GABRB1: variants seen among roughly 807,000 people sequenced by gnomAD.
GABRB1 encodes gamma-aminobutyric acid receptor subunit beta-1.
Under a neutral mutation model 51.6 loss-of-function variants are expected in GABRB1, and 17 were observed. The ratio of observed to expected loss-of-function variants is 0.33; its 90% confidence interval spans 0.23 to 0.49. The LOEUF (loss-of-function observed/expected upper bound fraction) is 0.49. Among genes scored for constraint, GABRB1 ranks in the 20% least tolerant of loss-of-function variants. GABRB1 has a pLI of 0.99. For missense variants in GABRB1, 410 were observed against 600.6 expected (o/e 0.68, Z 3.32); for synonymous variants, 247 against 218.9 (o/e 1.13, Z -1.14).
At chr4:47,215,802 A>G (rs1420397060) in intron 4 of GABRB1, among the ~76,000 whole-genome samples, 5 of 152,118 alleles carry the variant, frequency 3.3e-5, no homozygotes, top group African/African-American at 1.2e-4. Context: ...CAATGTATAG[A>G]TGCTCAAACA....
intron 4 of GABRB1, among the ~76,000 whole-genome samples, chr4:47,283,955 G>A (rs1168508032): frequency 6.6e-6 from 1 of 151,924 alleles, no homozygotes; most frequent in African/African-American, 2.4e-5. Context: ...CCCGGGGGCC[G>A]GACGCGGTGG....
chr4:47,007,021 T>A (rs1232235552), intron 1 of GABRB1, among the ~76,000 whole-genome samples: 1 of 152,010 alleles, frequency 6.6e-6, no homozygotes, highest in Admixed American at 6.6e-5. Flanking sequence ...GTACTTGTTG[T>A]CCCACCTACT....
At chr4:47,252,437 A>G (rs1281866176) in intron 4 of GABRB1, among the ~76,000 whole-genome samples, 2 of 149,122 alleles carry the variant, frequency 1.3e-5, no homozygotes, top group African/African-American at 4.9e-5. Flanking sequence ...GGATTGCTGG[A>G]TTGTTCTTGC....
intron 4 of GABRB1, among the ~76,000 whole-genome samples, chr4:47,211,392 T>C (rs1442706926): frequency 6.6e-6 from 1 of 152,220 alleles, no homozygotes; most frequent in East Asian, 1.9e-4. Flanking sequence ...TCTTGTGTAT[T>C]AGGTATTATT....
At position 47,213,964 on chromosome 4, in the gene GABRB1, T is replaced by A. The variant is rs188215763; in HGVS notation, c.461+52495T>A. Among the ~76,000 whole-genome samples the A allele has an allele frequency of 1.2e-3, 189 of 152,266 alleles. 4 individuals carry two copies. Among genetic ancestry groups the A allele is most frequent in the African/African-American group, 3.9e-3 (164 of 41,542 alleles). On this transcript the variant is annotated intron_variant, in intron 4 of 8. Coordinates refer to ENST00000295454, the MANE Select transcript of GABRB1 (RefSeq NM_000812.4). The stretch of plus-strand genomic sequence containing the variant: ...TCATTAAGTAAGACTCTTAATTTTC[T>A]CTGCTTTTTTCCTTCTCTCTGTTCA...
chr4:47,247,699 G>A (rs550341018), intron 4 of GABRB1, among the ~76,000 whole-genome samples: 2 of 152,118 alleles, frequency 1.3e-5, no homozygotes, highest in South Asian at 2.1e-4. Context: ...TCCTTCAGCA[G>A]TGTTTTGTAG....
intron 3 of GABRB1, among the ~76,000 whole-genome samples, chr4:47,050,420 T>C (rs1726293694): frequency 6.8e-6 from 1 of 146,718 alleles, no homozygotes; most frequent in Non-Finnish European, 1.5e-5. Flanking sequence ...AACAAATATA[T>C]GTATATACGT....
At chr4:47,075,070 G>C (rs1485814394) in intron 3 of GABRB1, among the ~76,000 whole-genome samples, 2 of 152,150 alleles carry the variant, frequency 1.3e-5, no homozygotes, top group Non-Finnish European at 2.9e-5. Context: ...GGCTGTATAA[G>C]TCATTTCTGT....
At position 47,117,444 on chromosome 4, in the gene GABRB1, C is replaced by A. The variant is rs147612197; in HGVS notation, c.241-43805C>A. On this transcript the variant is annotated intron_variant, in intron 3 of 8. Transcript: ENST00000295454. ...ACTGGGTGAACCATTTGTTTAGATT[C>A]AGTTCAGCTACATCTTCCTCTGTGA... Among the ~76,000 whole-genome samples, 16 of 152,258 alleles carry A rather than the reference C, an allele frequency of 1.1e-4. No homozygotes were observed. The East Asian group carries it at 3.1e-3, about 29-fold the overall frequency.
At chr4:47,249,193 T>C (rs191697723) in intron 4 of GABRB1, among the ~76,000 whole-genome samples, 1 of 152,210 alleles carries the variant, frequency 6.6e-6, no homozygotes, top group East Asian at 1.9e-4. Context: ...ATTCTAGAGG[T>C]TTGATAGATT....
chr4:47,304,190 C>G (rs1578079899), intron 4 of GABRB1, among the ~76,000 whole-genome samples: 1 of 152,046 alleles, frequency 6.6e-6, no homozygotes, highest in East Asian at 1.9e-4. Flanking sequence ...TATGGTAGTT[C>G]TATTTTTAAT....
intron 5 of GABRB1, among the ~76,000 whole-genome samples, chr4:47,325,610 C>G (rs1021045026): frequency 6.6e-6 from 1 of 152,130 alleles, no homozygotes; most frequent in African/African-American, 2.4e-5. Flanking sequence ...GCACAATAGA[C>G]TTTGTTTCTG....
At chr4:47,394,861 T>C (rs1158313442) in intron 5 of GABRB1, among the ~76,000 whole-genome samples, 1 of 152,194 alleles carries the variant, frequency 6.6e-6, no homozygotes. Flanking sequence ...ATTTTTGTGT[T>C]ACTTGATAGA....
chr4:47,227,889 C>T (rs1721004235), intron 4 of GABRB1, among the ~76,000 whole-genome samples: 1 of 152,186 alleles, frequency 6.6e-6, no homozygotes, highest in Admixed American at 6.6e-5. Flanking sequence ...TGTTCACATG[C>T]ATCCCTGGAA....
chr4:47,096,938 T>C (rs1489992562), intron 3 of GABRB1, among the ~76,000 whole-genome samples: 2 of 152,200 alleles, frequency 1.3e-5, no homozygotes, highest in African/African-American at 4.8e-5. Context: ...CACACACAAC[T>C]GTAAGGTAGC....
intron 5 of GABRB1, among the ~76,000 whole-genome samples, chr4:47,400,699 A>AT (rs1321747981): frequency 2.0e-5 from 3 of 151,740 alleles, no homozygotes; most frequent in African/African-American, 7.3e-5. Flanking sequence ...CTAATATGTG[A>AT]TTTTTTTATC....
chr4:47,266,467 A>G (rs975693643), intron 4 of GABRB1, among the ~76,000 whole-genome samples: 3 of 152,230 alleles, frequency 2.0e-5, no homozygotes, highest in Admixed American at 6.5e-5. Context: ...GAGAAATGGC[A>G]TCGGTATTTT....
intron 3 of GABRB1, among the ~76,000 whole-genome samples, chr4:47,134,117 T>C (rs1716539953): frequency 6.6e-6 from 1 of 152,200 alleles, no homozygotes; most frequent in East Asian, 1.9e-4. Flanking sequence ...TTATAAGTTT[T>C]AAAAAGTCTT....
chr4:47,019,451 C>A (rs1211177273), intron 1 of GABRB1, among the ~76,000 whole-genome samples: 1 of 151,360 alleles, frequency 6.6e-6, no homozygotes, highest in Non-Finnish European at 1.5e-5. Context: ...CTAGGACTGC[C>A]ATAACAAAAT....
Sources: allele counts gnomAD v4.1 joint callset (sites outside exome capture counted in the v4.1 genomes callset), GRCh38; gene constraint gnomAD v4.1.1; transcripts MANE v1.5; gene names NCBI Gene and HGNC (gene_info 2026-07-23, HGNC 2026-07-21).